ACYP2: variants seen among roughly 807,000 people sequenced by gnomAD.
ACYP2 encodes acylphosphatase-2.
ACYP2 carries 12 observed loss-of-function variants against 11.2 expected under a neutral mutation model. The ratio of observed to expected loss-of-function variants is 1.08; its 90% CI spans 0.69 to 1.74. ACYP2 has a LOEUF of 1.74. Among genes scored for constraint, ACYP2 ranks in the 40% most tolerant of loss-of-function variants. The probability of loss-of-function intolerance (pLI) is 0.00; values close to 1 mark genes in which losing one functional copy is unlikely to be tolerated. For missense variants in ACYP2, 134 were observed against 101.9 expected (o/e 1.31, Z -1.35); for synonymous variants, 43 against 32.2 (o/e 1.33, Z -1.13).
intron 4 of ACYP2, among the ~76,000 whole-genome samples, chr2:54,083,700 C>G (rs1425225488): frequency 6.6e-6 from 1 of 152,092 alleles, no homozygotes; most frequent in African/African-American, 2.4e-5. Flanking sequence ...TTACTGTTCC[C>G]CCATCCCCCC....
chr2:54,080,297 A>T (rs1286248050), intron 4 of ACYP2: 1 of 152,266 alleles, frequency 6.6e-6, no homozygotes, highest in African/African-American at 2.4e-5. Flanking sequence ...CAAGGACCCT[A>T]AAAACAATAT....
At chr2:54,302,197 AT>A (rs1390478070) in intron 6 of ACYP2, among the ~76,000 whole-genome samples, 1 of 151,886 alleles carries the variant, frequency 6.6e-6, no homozygotes, top group African/African-American at 2.4e-5. Context: ...CATGGTTTCA[AT>A]TTCTCCCTTT....
chr2:54,168,433 A>G, intron 6 of ACYP2, among the ~76,000 whole-genome samples: 1 of 152,158 alleles, frequency 6.6e-6, no homozygotes, highest in Non-Finnish European at 1.5e-5. Flanking sequence ...CTCAAAACCA[A>G]ACAAAATAAA....
intron 6 of ACYP2, among the ~76,000 whole-genome samples, chr2:54,240,885 GTACTT>G (rs1422133254): frequency 1.3e-5 from 2 of 152,174 alleles, no homozygotes; most frequent in Admixed American, 6.5e-5. Context: ...TCCAGATCTT[GTACTT>G]TACTTTAGTA....
chr2:53,991,176 G>A, intron 2 of ACYP2, among the ~76,000 whole-genome samples: 1 of 152,164 alleles, frequency 6.6e-6, no homozygotes, highest in African/African-American at 2.4e-5. Flanking sequence ...ATCATCAGAT[G>A]TTGTGATTTT....
intron 6 of ACYP2, chr2:54,254,915 A>G: frequency 6.2e-7 from 1 of 1,604,648 alleles, no homozygotes; most frequent in East Asian, 2.2e-5. Flanking sequence ...TCCAAAGGCA[A>G]AGGTTAACCA....
intron 6 of ACYP2, among the ~76,000 whole-genome samples, chr2:54,149,045 A>C (rs572263729): frequency 6.6e-6 from 1 of 152,202 alleles, no homozygotes; most frequent in Non-Finnish European, 1.5e-5. Context: ...GAGCTCAAGA[A>C]TTCGTGACCA....
intron 4 of ACYP2, among the ~76,000 whole-genome samples, chr2:54,127,464 A>G (rs1381990841): frequency 6.6e-6 from 1 of 152,064 alleles, no homozygotes; most frequent in Non-Finnish European, 1.5e-5. Flanking sequence ...GGGCGCAGTG[A>G]CTCACACCTG....
chr2:54,183,210 C>A (rs1486950327), intron 6 of ACYP2, among the ~76,000 whole-genome samples: 1 of 151,958 alleles, frequency 6.6e-6, no homozygotes, highest in African/African-American at 2.4e-5. Flanking sequence ...TATAAGTTAA[C>A]AAAATATAAA....
chr2:53,971,782 A>C (rs1227365900), intron 1 of ACYP2, among the ~76,000 whole-genome samples: 5 of 152,136 alleles, frequency 3.3e-5, no homozygotes, highest in African/African-American at 4.8e-5. Context: ...ATGAAGGTTG[A>C]GTGCAAAGTT....
At chr2:54,266,590 CTTTTTTTTTTTTTTTTTTTTTT>C in intron 6 of ACYP2, among the ~76,000 whole-genome samples, 1 of 52,270 alleles carries the variant, frequency 1.9e-5, no homozygotes, top group African/African-American at 7.6e-5. Context: ...ATCTATCTAT[CTTTTTTTTTTTTTTTTTTTTTT>C]TTTTTTTTTT....
intron 6 of ACYP2, among the ~76,000 whole-genome samples, chr2:54,201,910 G>T (rs1429019408): frequency 1.3e-5 from 2 of 151,786 alleles, no homozygotes; most frequent in Non-Finnish European, 2.9e-5. Context: ...GTTTCTCCAT[G>T]TTGGTCAAGC....
intron 6 of ACYP2, among the ~76,000 whole-genome samples, chr2:54,192,515 T>G (rs1260512472): frequency 6.6e-6 from 1 of 152,196 alleles, no homozygotes; most frequent in Non-Finnish European, 1.5e-5. Flanking sequence ...ATATCCAGTT[T>G]TATTGATATA....
intron 6 of ACYP2, among the ~76,000 whole-genome samples, chr2:54,150,487 A>T (rs1473532512): frequency 4.6e-5 from 7 of 151,670 alleles, no homozygotes; most frequent in Non-Finnish European, 7.4e-5. Context: ...GTGCCCTGAT[A>T]CTCGGCTCAT....
chr2:54,031,404 C>G (rs1311769627), intron 2 of ACYP2, among the ~76,000 whole-genome samples: 2 of 151,772 alleles, frequency 1.3e-5, no homozygotes, highest in Non-Finnish European at 2.9e-5. Context: ...CGATAGTTTG[C>G]TCAGAATGAT....
intron 4 of ACYP2, chr2:54,065,537 A>G: frequency 2.5e-6 from 1 of 398,620 alleles, no homozygotes; most frequent in East Asian, 3.6e-5. Context: ...TCTCTGAGTC[A>G]CACTGTGAAA....
intron 4 of ACYP2, 90 bp downstream of exon 1, chr2:54,115,846 T>G (rs1679743986): frequency 1.5e-6 from 2 of 1,372,014 alleles, no homozygotes; most frequent in Non-Finnish European, 9.6e-7. Context: ...AAAGTATGCC[T>G]TTTCCCGTTG....
At chr2:54,197,221 G>A (rs1684526432) in intron 6 of ACYP2, among the ~76,000 whole-genome samples, 1 of 152,140 alleles carries the variant, frequency 6.6e-6, no homozygotes, top group South Asian at 2.1e-4. Context: ...TAATACAGGA[G>A]TTGATGTTGG....
At chr2:54,038,853 A>C (rs1675061273) in intron 2 of ACYP2, among the ~76,000 whole-genome samples, 1 of 151,766 alleles carries the variant, frequency 6.6e-6, no homozygotes. Flanking sequence ...ATAGGTGGCA[A>C]TAAATTCTGC....
Sources: allele counts gnomAD v4.1 joint callset (sites outside exome capture counted in the v4.1 genomes callset), GRCh38; gene constraint gnomAD v4.1.1; transcripts MANE v1.5; gene names NCBI Gene and HGNC (gene_info 2026-07-23, HGNC 2026-07-21).